Variants in SH2D4B observed in about 807,000 individuals in gnomAD.
The protein encoded by SH2D4B is SH2 domain-containing protein 4B.
In SH2D4B, 45 loss-of-function variants were observed where a neutral mutation model predicts 61.5. That is an observed-to-expected ratio of 0.73 (90% CI 0.58 to 0.94). The LOEUF (loss-of-function observed/expected upper bound fraction) is 0.94. Among genes scored for constraint, SH2D4B ranks in the 40% least tolerant of loss-of-function variants. The pLI is 0.00. For synonymous variants in SH2D4B, 224 were observed against 220.4 expected, an observed-to-expected ratio of 1.02 and a Z score of -0.14; for missense variants, 572 against 574.2, an observed-to-expected ratio of 1.00 and a Z score of 0.04.
At chr10:80,543,669 T>C (rs1051840710) in intron 1 of SH2D4B, among the ~76,000 whole-genome samples, 2 of 152,336 alleles carry the variant, frequency 1.3e-5, no homozygotes, top group South Asian at 4.1e-4. Flanking sequence ...TGAAGCCAGC[T>C]GGGCTCCTGA....
At chr10:80,557,670 G>A (rs1841855948) in intron 1 of SH2D4B, among the ~76,000 whole-genome samples, 1 of 152,092 alleles carries the variant, frequency 6.6e-6, no homozygotes, top group Non-Finnish European at 1.5e-5. Context: ...TCCCTTGTCT[G>A]TAGGATCTTT....
rs140377780 is a variant in SH2D4B at position 80,609,521 on chromosome 10, A to G, written c.958A>G (p.Asn320Asp). The change falls in exon 6 of 8, where the codon AAC becomes GAC. Residue 320 changes from asparagine (N) to aspartate (D), a missense_variant. Asn to Asp is a conservative substitution (Grantham distance 23). Transcript: ENST00000646907. ...GCCTCGCCGAGCTGGCTTCGAGAGG[A>G]ACACCAAGTTCATCGCCCCCTGGTT... ...QLPRRAGFERNTKFIAPWFHG... is the reference protein window; with the variant it reads ...QLPRRAGFERDTKFIAPWFHG... 2.7e-5 allele frequency: 43 copies of G among 1,614,064 alleles called. No homozygotes were observed. Among genetic ancestry groups the G allele is most frequent in the Middle Eastern group, 1.6e-4 (1 of 6,082 alleles).
chr10:80,633,343 T>A (rs1309779866), intron 6 of SH2D4B, among the ~76,000 whole-genome samples: 1 of 152,240 alleles, frequency 6.6e-6, no homozygotes, highest in Non-Finnish European at 1.5e-5. Flanking sequence ...AGCTATTCTC[T>A]ATGTATGAAA....
intron 6 of SH2D4B, among the ~76,000 whole-genome samples, chr10:80,632,562 A>G (rs1842844351): frequency 6.6e-6 from 1 of 151,910 alleles, no homozygotes; most frequent in Non-Finnish European, 1.5e-5. Flanking sequence ...TGGAGTGGGG[A>G]TGAGGGTGAC....
intron 4 of SH2D4B, among the ~76,000 whole-genome samples, chr10:80,589,861 T>C (rs1298855400): frequency 2.0e-5 from 3 of 151,746 alleles, no homozygotes; most frequent in African/African-American, 7.3e-5. Context: ...GCCTGGGAAG[T>C]GTGGGGTGGT....
At chr10:80,552,118 C>A (rs181997257) in intron 1 of SH2D4B, among the ~76,000 whole-genome samples, 1 of 152,326 alleles carries the variant, frequency 6.6e-6, no homozygotes, top group Non-Finnish European at 1.5e-5. Context: ...CCTCCTAATA[C>A]CATTACACTG....
chr10:80,636,368 G>A (rs181493884), intron 7 of SH2D4B, among the ~76,000 whole-genome samples: 95 of 152,226 alleles, frequency 6.2e-4, no homozygotes, highest in African/African-American at 2.2e-3. Flanking sequence ...CTGAGGAATC[G>A]CCACACTGTT....
chr10:80,601,789 CA>C (rs1842454221), intron 4 of SH2D4B, among the ~76,000 whole-genome samples: 2 of 152,200 alleles, frequency 1.3e-5, no homozygotes, highest in African/African-American at 4.8e-5. Flanking sequence ...CTTTATCCTG[CA>C]AATACTCACA....
At chr10:80,575,559 G>C (rs560485160) in intron 3 of SH2D4B, among the ~76,000 whole-genome samples, 6 of 152,174 alleles carry the variant, frequency 3.9e-5, no homozygotes, top group Non-Finnish European at 8.8e-5. Context: ...TCAGGAGTTC[G>C]AGACCAGCCT....
At chr10:80,620,875 A>G (rs1056025831) in intron 6 of SH2D4B, among the ~76,000 whole-genome samples, 3 of 152,216 alleles carry the variant, frequency 2.0e-5, no homozygotes, top group Admixed American at 6.5e-5. Flanking sequence ...GATTTATTCA[A>G]CACTCTTTAT....
intron 6 of SH2D4B, among the ~76,000 whole-genome samples, chr10:80,618,629 G>A (rs1564785360): frequency 1.3e-5 from 2 of 152,184 alleles, no homozygotes; most frequent in African/African-American, 2.4e-5. Context: ...AGAAAGGAAA[G>A]TCACAAAAAT....
rs142515551 is a variant in SH2D4B, at chr10:80,607,960, G to T, written c.861-1464G>T. On this transcript the variant is annotated intron_variant, in intron 5 of 7. Transcript: ENST00000646907. ...TGCCCAGGCTGGAGTGCAGTGGCAC[G>T]ATCTCAGCTCACTGCAACCTCCGCC... is the stretch of plus-strand genomic sequence containing the variant. Among the ~76,000 whole-genome samples the T allele has an allele frequency of 9.7e-3, 1,476 of 152,270 alleles. 26 individuals carry two copies. The highest frequency in any genetic ancestry group is 0.034 in the African/African-American group (1,416 of 41,540).
intron 1 of SH2D4B, among the ~76,000 whole-genome samples, chr10:80,547,100 CT>C (rs1841689956): frequency 6.6e-6 from 1 of 152,190 alleles, no homozygotes; most frequent in African/African-American, 2.4e-5. Context: ...GTTAACTCCA[CT>C]TTGTCTGGTT....
intron 1 of SH2D4B, among the ~76,000 whole-genome samples, chr10:80,554,574 G>A (rs1023061826): frequency 6.6e-6 from 1 of 152,096 alleles, no homozygotes; most frequent in Non-Finnish European, 1.5e-5. Context: ...GCATTTCTAT[G>A]TTACAGTCTT....
At chr10:80,570,651 A>G (rs1184601975) in intron 2 of SH2D4B, among the ~76,000 whole-genome samples, 1 of 152,220 alleles carries the variant, frequency 6.6e-6, no homozygotes, top group Non-Finnish European at 1.5e-5. Flanking sequence ...CATGCTTTGT[A>G]AATTGTTTTA....
At chr10:80,541,803 C>T (rs1011898403) in intron 1 of SH2D4B, among the ~76,000 whole-genome samples, 1 of 152,084 alleles carries the variant, frequency 6.6e-6, no homozygotes, top group African/African-American at 2.4e-5. Context: ...AGGAGGTTTT[C>T]TTGATTCTGA....
chr10:80,612,489 GTGA>G (rs1014772442), intron 6 of SH2D4B, among the ~76,000 whole-genome samples: 4 of 152,148 alleles, frequency 2.6e-5, no homozygotes, highest in African/African-American at 9.7e-5. Context: ...TCTTCTCATG[GTGA>G]CAGGACAGAC....
chr10:80,582,271 A>G (rs1445516640), intron 3 of SH2D4B, among the ~76,000 whole-genome samples: 1 of 152,216 alleles, frequency 6.6e-6, no homozygotes, highest in African/African-American at 2.4e-5. Flanking sequence ...GAGATTAAGG[A>G]AAGGTCTGAA....
chr10:80,599,306 A>C, intron 4 of SH2D4B, among the ~76,000 whole-genome samples: 1 of 119,228 alleles, frequency 8.4e-6, no homozygotes, highest in South Asian at 3.1e-4. Context: ...GGCTTTCTCT[A>C]TCCCTTGATG....
Sources: gnomAD v4.1 joint callset for allele counts (sites outside exome capture counted in the v4.1 genomes callset) on GRCh38, gnomAD v4.1.1 for gene constraint, MANE v1.5 for transcripts, NCBI Gene and HGNC (gene_info 2026-07-23, HGNC 2026-07-21) for gene names.